CLNK: variants seen among roughly 807,000 people sequenced by gnomAD.
CLNK encodes cytokine dependent hematopoietic cell linker, also known as cytokine-dependent hematopoietic cell linker.
A neutral mutation model predicts 68.6 loss-of-function variants in CLNK; 74 were observed. The ratio of observed to expected loss-of-function variants is 1.08; its 90% CI spans 0.89 to 1.31. The LOEUF is 1.31. CLNK is among the 50% of genes most tolerant of loss of function. The pLI, the probability that CLNK is intolerant of heterozygous loss-of-function variation, is 0.00. For synonymous variants in CLNK, 198 were observed against 172.2 expected (o/e 1.15, Z -1.17); for missense variants, 553 against 515.3 (o/e 1.07, Z -0.71).
chr4:10,599,919 C>T (rs1232651931), intron 2 of CLNK, among the ~76,000 whole-genome samples: 1 of 152,220 alleles, frequency 6.6e-6, no homozygotes, highest in Non-Finnish European at 1.5e-5. Flanking sequence ...ATACGCCAAA[C>T]TGGATCAAGA....
the CLNK span, among the ~76,000 whole-genome samples, chr4:10,729,935 C>G: frequency 6.6e-6 from 1 of 152,148 alleles, no homozygotes; most frequent in Non-Finnish European, 1.5e-5. Context: ...CAAGACAATA[C>G]TTTTACTGCC....
In CLNK at chr4:10,520,844, A is replaced by T; in HGVS notation, c.732-13T>A. 6.3e-7 allele frequency: 1 copy of T among 1,590,366 alleles called. No homozygotes were observed. Among genetic ancestry groups the T allele is most frequent in the Non-Finnish European group, 8.6e-7 (1 of 1,164,458 alleles). On this transcript the variant is annotated splice_polypyrimidine_tract_variant and intron_variant, in intron 14 of 18. Coordinates refer to ENST00000226951, the MANE Select transcript of CLNK (RefSeq NM_052964.4). Reference sequence around the variant, plus strand: ...CGTGAATGAAGAACTATAAGAAAATATGTTAAAATTCAAAGAATGTTAGTA... The same window carrying T: ...CGTGAATGAAGAACTATAAGAAAATTTGTTAAAATTCAAAGAATGTTAGTA...
chr4:10,722,501 T>C, the CLNK span, among the ~76,000 whole-genome samples: 2 of 152,242 alleles, frequency 1.3e-5, no homozygotes, highest in Non-Finnish European at 2.9e-5. Context: ...ATTATGCAGC[T>C]TTCGATAACT....
chr4:10,562,104 T>TC (rs1449637276), intron 7 of CLNK, among the ~76,000 whole-genome samples: 3 of 144,268 alleles, frequency 2.1e-5, no homozygotes, highest in East Asian at 2.2e-4. Context: ...TTCTTTTCTT[T>TC]TTTTTTTTTT....
At chr4:10,549,936 T>G (rs6848730) in intron 8 of CLNK, among the ~76,000 whole-genome samples, 37,762 of 152,110 alleles carry the variant, frequency 0.25, 4,863 homozygotes, top group Middle Eastern at 0.31. Context: ...TGCTTTTGGG[T>G]AGGTAATGTA....
At chr4:10,503,176 T>C (rs1044379530) in intron 17 of CLNK, among the ~76,000 whole-genome samples, 4 of 152,092 alleles carry the variant, frequency 2.6e-5, no homozygotes, top group Non-Finnish European at 4.4e-5. Context: ...CTATGAAGAA[T>C]AGAGGCCGGG....
At chr4:10,595,232 C>G (rs1373913071) in intron 3 of CLNK, among the ~76,000 whole-genome samples, 1 of 152,162 alleles carries the variant, frequency 6.6e-6, no homozygotes, top group African/African-American at 2.4e-5. Flanking sequence ...CTATTTTTCC[C>G]TATCTGTAAA....
intron 5 of CLNK, among the ~76,000 whole-genome samples, chr4:10,570,052 C>T (rs972364033): frequency 2.6e-5 from 4 of 152,142 alleles, no homozygotes; most frequent in Non-Finnish European, 5.9e-5. Context: ...GAAGGTGTCT[C>T]GGTTCTGGAA....
At chr4:10,693,316 G>A in the CLNK span, among the ~76,000 whole-genome samples, 1 of 152,326 alleles carries the variant, frequency 6.6e-6, no homozygotes, top group South Asian at 2.1e-4. Context: ...CTTTGCAGAT[G>A]TAATCAAGTT....
chr4:10,595,491 G>T (rs1388906187), intron 3 of CLNK, among the ~76,000 whole-genome samples: 2 of 152,122 alleles, frequency 1.3e-5, no homozygotes, highest in East Asian at 1.9e-4. Flanking sequence ...ATATGGATGT[G>T]ATCTGTATTT....
At chr4:10,585,054 G>A (rs1187696044) in intron 3 of CLNK, 99 bp from the exon 4 acceptor site, 2 of 1,267,494 alleles carry the variant, frequency 1.6e-6, no homozygotes, top group East Asian at 4.9e-5. Flanking sequence ...CATTGTACAA[G>A]TCAGCCTCTG....
At chr4:10,655,334 C>CAGAGAGAGAGAAAGAG (rs1723930937) in intron 2 of CLNK, among the ~76,000 whole-genome samples, 1 of 135,326 alleles carries the variant, frequency 7.4e-6, no homozygotes, top group Non-Finnish European at 1.6e-5. Context: ...CCCCCAAAGA[C>CAGAGAGAGAGAAAGAG]AGAGAGAGAG....
chr4:10,567,884 A>G (rs193236472), intron 5 of CLNK, among the ~76,000 whole-genome samples: 2 of 152,348 alleles, frequency 1.3e-5, no homozygotes, highest in East Asian at 3.9e-4. Context: ...TGTCAGCCAT[A>G]CAACACCAAG....
intron 1 of CLNK, among the ~76,000 whole-genome samples, chr4:10,681,433 G>A (rs2108903757): frequency 6.6e-6 from 1 of 152,168 alleles, no homozygotes; most frequent in South Asian, 2.1e-4. Context: ...ACACGAAATT[G>A]AACACAGAAC....
At chr4:10,646,663 A>G (rs977341464) in intron 2 of CLNK, among the ~76,000 whole-genome samples, 1 of 152,162 alleles carries the variant, frequency 6.6e-6, no homozygotes, top group African/African-American at 2.4e-5. Flanking sequence ...CAAGATAGAG[A>G]AGGGCTTTCT....
At chr4:10,608,038 A>G (rs1335708857) in intron 2 of CLNK, among the ~76,000 whole-genome samples, 2 of 152,188 alleles carry the variant, frequency 1.3e-5, no homozygotes, top group African/African-American at 4.8e-5. Context: ...AAGAGTCCCA[A>G]AAAATCCATG....
intron 18 of CLNK, among the ~76,000 whole-genome samples, chr4:10,494,297 T>A (rs553881162): frequency 3.3e-5 from 5 of 152,336 alleles, no homozygotes; most frequent in African/African-American, 1.2e-4. Flanking sequence ...GAAGATGATT[T>A]CTTTGTCCTA....
At chr4:10,513,050 T>C (rs1162628792) in intron 16 of CLNK, among the ~76,000 whole-genome samples, 1 of 152,144 alleles carries the variant, frequency 6.6e-6, no homozygotes, top group East Asian at 1.9e-4. Context: ...ACTGCTCAAC[T>C]AATGGTCGCT....
At chr4:10,515,547 A>C (rs983417799) in intron 15 of CLNK, among the ~76,000 whole-genome samples, 1 of 152,044 alleles carries the variant, frequency 6.6e-6, no homozygotes, top group Non-Finnish European at 1.5e-5. Flanking sequence ...TCCGACTTGG[A>C]TATTTGACAG....
Sources: allele counts gnomAD v4.1 joint callset (sites outside exome capture counted in the v4.1 genomes callset), GRCh38; gene constraint gnomAD v4.1.1; transcripts MANE v1.5; gene names NCBI Gene and HGNC (gene_info 2026-07-23, HGNC 2026-07-21).